The following VRK1 variants were observed in gnomAD, a reference collection of about 807,000 sequenced individuals.
VRK1 encodes the protein VRK serine/threonine kinase 1.
VRK1 carries 33 observed loss-of-function variants against 57.1 expected under a neutral mutation model. The ratio of observed to expected loss-of-function variants is 0.58; its 90% CI spans 0.44 to 0.77. The LOEUF is 0.77. Ranked by LOEUF, VRK1 falls within the 30% of genes least tolerant of loss-of-function variation. VRK1 has a pLI of 0.00. For missense variants in VRK1, 413 were observed against 477.3 expected (o/e 0.87, Z 1.25); for synonymous variants, 137 against 147.8 (o/e 0.93, Z 0.53).
chr14:96,856,511 T>C lies in VRK1; in HGVS notation c.831-17T>C. ...ATGACATCAAGCTTCAGTGACTCAT[T>C]CTTTAATTTTTAACAGATACAGAGA... On this transcript the variant is annotated splice_polypyrimidine_tract_variant and intron_variant, in intron 9 of 12. Coordinates refer to ENST00000216639, the MANE Select transcript of VRK1 (RefSeq NM_003384.3). 1 of 1,604,580 alleles carries C rather than the reference T, an allele frequency of 6.2e-7. No individual in the cohort carries two copies. The highest frequency in any genetic ancestry group is 8.5e-7 in the Non-Finnish European group (1 of 1,171,732).
intron 1 of VRK1, among the ~76,000 whole-genome samples, chr14:96,811,810 A>G (rs1886218016): frequency 6.6e-6 from 1 of 151,520 alleles, no homozygotes; most frequent in African/African-American, 2.4e-5. Flanking sequence ...AGTGAGATAT[A>G]ACTTACATAC....
Position 96,860,689 on chromosome 14 carries a change from T to C in VRK1, c.1022T>C (p.Leu341Pro). 6.2e-7 allele frequency: 1 copy of C among 1,613,384 alleles called. No individual in the cohort carries two copies. Among genetic ancestry groups the C allele is most frequent in the Non-Finnish European group, 8.5e-7 (1 of 1,179,540 alleles). ...AGTAAGGATGATGGCAAATTGGACC[T>C]CAGTGTTGTGGAGAATGGAGGTTTG... ...IGSKDDGKLD[L>P]SVVENGGLKA... is the part of the protein sequence containing the mutation. Residue 341 changes from leucine to proline, a missense_variant, in exon 11 of 13, where the codon CTC becomes CCC. Leu to Pro is a moderately conservative substitution (Grantham distance 98). Around this residue, in one of 3 missense-constraint regions of VRK1, gnomAD observed 146 missense variants for 138.2 expected, o/e 1.06. Transcript: ENST00000216639.
chr14:96,844,560 G>T (rs148951574), intron 3 of VRK1, among the ~76,000 whole-genome samples: 1,615 of 152,152 alleles, frequency 0.011, 22 homozygotes, highest in South Asian at 0.055. Flanking sequence ...TTTTATTTTT[G>T]AGACAGAATC....
chr14:96,875,119 G>T (rs922013737), intron 11 of VRK1, among the ~76,000 whole-genome samples: 8 of 137,760 alleles, frequency 5.8e-5, no homozygotes, highest in African/African-American at 2.1e-4. Context: ...AACTACAGAA[G>T]ATAAAGTTAT....
intron 11 of VRK1, among the ~76,000 whole-genome samples, chr14:96,861,174 A>C (rs1427166657): frequency 2.6e-5 from 4 of 152,312 alleles, no homozygotes; most frequent in Middle Eastern, 3.4e-3. Context: ...GCATTTTACC[A>C]TTTGAACATT....
chr14:96,818,242 A>T (rs1886466217), intron 1 of VRK1, among the ~76,000 whole-genome samples: 1 of 152,214 alleles, frequency 6.6e-6, no homozygotes. Context: ...TTTCTCTTTT[A>T]GAACTTTTAG....
chr14:96,869,732 G>T (rs1240654565), intron 11 of VRK1, among the ~76,000 whole-genome samples: 3 of 151,964 alleles, frequency 2.0e-5, no homozygotes, highest in African/African-American at 7.3e-5. Context: ...AATAGTACTT[G>T]ACATAAAGCA....
At position 96,855,351 on chromosome 14, in the gene VRK1, G is replaced by T; in HGVS notation, c.704G>T (p.Gly235Val). The T allele has an allele frequency of 6.2e-7, 1 of 1,613,986 alleles. No homozygotes were observed. The highest frequency in any genetic ancestry group is 8.5e-7 in the Non-Finnish European group (1 of 1,179,902). Residue 235 changes from glycine (G) to valine (V), a missense_variant, in exon 8 of 13, where the codon GGC (glycine) becomes GTC (valine). Physicochemically the swap from Gly to Val is moderately radical, Grantham distance 109. Transcript: ENST00000216639. ...IEFTSIDAHN[G>V]VAPSRRGDLE... ...TTCACGAGCATCGATGCACACAATG[G>T]CGTGGGTATGTCAGTAGTACTGGAG...
chr14:96,808,941 T>G (rs1886038744), intron 1 of VRK1, among the ~76,000 whole-genome samples: 1 of 152,188 alleles, frequency 6.6e-6, no homozygotes, highest in African/African-American at 2.4e-5. Context: ...CTAGAATCAT[T>G]TAGAGGCTTC....
intron 3 of VRK1, among the ~76,000 whole-genome samples, chr14:96,841,341 T>C (rs1401851511): frequency 6.6e-6 from 1 of 152,210 alleles, no homozygotes; most frequent in African/African-American, 2.4e-5. Context: ...AACAGTATTT[T>C]CTATATGCTT....
At chr14:96,819,730 A>G (rs1886526692) in intron 1 of VRK1, among the ~76,000 whole-genome samples, 1 of 152,212 alleles carries the variant, frequency 6.6e-6, no homozygotes. Flanking sequence ...CTGGTTGTGC[A>G]AGCGTTTTCC....
chr14:96,877,670 A>G, intron 12 of VRK1: 2 of 1,279,852 alleles, frequency 1.6e-6, no homozygotes, highest in Non-Finnish European at 2.0e-6. Context: ...TTAGTTTCAG[A>G]AAGATCCTGC....
At chr14:96,825,993 TGTAA>T (rs1469699094) in intron 1 of VRK1, among the ~76,000 whole-genome samples, 2 of 150,030 alleles carry the variant, frequency 1.3e-5, no homozygotes, top group East Asian at 2.0e-4. Flanking sequence ...GCTCATTAAG[TGTAA>T]GTGTCATTGT....
chr14:96,813,413 C>A (rs1440179105), intron 1 of VRK1, among the ~76,000 whole-genome samples: 1 of 152,040 alleles, frequency 6.6e-6, no homozygotes, highest in Non-Finnish European at 1.5e-5. Context: ...GGACTAGAAT[C>A]TAGAAGATAG....
intron 1 of VRK1, among the ~76,000 whole-genome samples, chr14:96,801,701 G>A (rs1452574580): frequency 6.6e-6 from 1 of 152,108 alleles, no homozygotes; most frequent in African/African-American, 2.4e-5. Flanking sequence ...ACACATATTT[G>A]TATATGTACT....
intron 1 of VRK1, among the ~76,000 whole-genome samples, chr14:96,804,635 G>T (rs994845372): frequency 6.6e-6 from 1 of 152,172 alleles, no homozygotes; most frequent in Admixed American, 6.5e-5. Context: ...TATTAGGAAG[G>T]TGCTGTATAT....
chr14:96,814,524 A>G (rs1886320659), intron 1 of VRK1, among the ~76,000 whole-genome samples: 1 of 152,178 alleles, frequency 6.6e-6, no homozygotes, highest in Non-Finnish European at 1.5e-5. Flanking sequence ...TAATACATGC[A>G]CACAATAATA....
chr14:96,797,522 T>C (rs997414186), intron 1 of VRK1, 75 bp downstream of exon 1: 1 of 152,082 alleles, frequency 6.6e-6, no homozygotes, highest in Non-Finnish European at 1.5e-5. Context: ...CGGCCGGGGC[T>C]GGGGCCGGCA....
At chr14:96,863,817 G>T (rs965104813) in intron 11 of VRK1, among the ~76,000 whole-genome samples, 2 of 151,988 alleles carry the variant, frequency 1.3e-5, no homozygotes, top group African/African-American at 4.8e-5. Context: ...CTGGCATTTA[G>T]CCTGGAACAG....
Sources: allele counts gnomAD v4.1 joint callset (sites outside exome capture counted in the v4.1 genomes callset), GRCh38; gene constraint gnomAD v4.1.1; regional missense constraint gnomAD v4.1.1; transcripts MANE v1.5; gene names NCBI Gene and HGNC (gene_info 2026-07-23, HGNC 2026-07-21).